NIBAN3: variants seen among roughly 807,000 people sequenced by gnomAD.
The protein encoded by NIBAN3 is niban apoptosis regulator 3, also known as protein Niban 3.
In NIBAN3, 66 loss-of-function variants were observed where a neutral mutation model predicts 76.4. The ratio of observed to expected loss-of-function variants is 0.86; its 90% CI spans 0.71 to 1.06. The LOEUF (loss-of-function observed/expected upper bound fraction) is 1.06, where lower values mean the gene tolerates loss of function less well. NIBAN3 is among the 50% of genes least tolerant of loss of function. The pLI is 0.00. For missense variants in NIBAN3, 808 were observed against 810.7 expected, an observed-to-expected ratio of 1.00 and a Z score of 0.04; for synonymous variants, 360 against 355.2, an observed-to-expected ratio of 1.01 and a Z score of -0.15.
Position 17,540,091 on chromosome 19 carries a change from G to A in NIBAN3, c.980-301G>A, listed in dbSNP as rs1205440330. On this transcript the variant is annotated intron_variant, in intron 8 of 14. Coordinates refer to ENST00000599164, the MANE Select transcript of NIBAN3 (RefSeq NM_001321827.2). ...GCGTGGCCTTGAGGCTGAGGCTCGA[G>A]GAGTTGAGGCCCAGAGCCGGGCCAA... The A allele has an allele frequency of 1.2e-5, 5 of 418,778 alleles. No individual in the cohort carries two copies. The Middle Eastern group carries it at 1.8e-3, about 152-fold the overall frequency. The allele number at this position is 418,778 out of a possible 1,614,324, so 25.9% of individuals were successfully genotyped here. A position where few individuals can be genotyped will look rare whatever the true frequency, so the allele number is the denominator to read the frequency against.
At chr19:17,539,999 C>A (rs570046576) in intron 8 of NIBAN3, among the ~76,000 whole-genome samples, 1 of 151,846 alleles carries the variant, frequency 6.6e-6, no homozygotes, top group East Asian at 1.9e-4. Context: ...TAGAGTCTGT[C>A]CGGAGGAAAC....
At chr19:17,538,024 G>A (rs1422247026) in intron 5 of NIBAN3, among the ~76,000 whole-genome samples, 4 of 152,066 alleles carry the variant, frequency 2.6e-5, no homozygotes, top group Non-Finnish European at 4.4e-5. Flanking sequence ...AGTGACTAGG[G>A]CTGTAACAGA....
In NIBAN3 at chr19:17,540,529, C is replaced by G. The variant is rs146478867; in HGVS notation, c.1117C>G (p.Arg373Gly). Reference sequence around the variant, plus strand: ...GACCCTCCTGGCTCAAGGCATGGACCGACTGTCCCACCGCCTGCGCCAGAG... The same window carrying G: ...GACCCTCCTGGCTCAAGGCATGGACGGACTGTCCCACCGCCTGCGCCAGAG... ...VRTLLAQGMD[R>G]LSHRLRQSPS... Residue 373 changes from arginine (R) to glycine (G), a missense_variant, in exon 9 of 15, where the codon CGA becomes GGA. By Grantham distance (125) the Arg-to-Gly change is moderately radical. Coordinates refer to ENST00000599164, the MANE Select transcript of NIBAN3 (RefSeq NM_001321827.2). The G allele has an allele frequency of 5.1e-6, 8 of 1,583,338 alleles. No individual in the cohort carries two copies. The African/African-American group carries it at 9.6e-5, about 19-fold the overall frequency.
chr19:17,547,957 G>A (rs2076090725), intron 13 of NIBAN3, among the ~76,000 whole-genome samples: 2 of 152,184 alleles, frequency 1.3e-5, no homozygotes, highest in South Asian at 2.1e-4. Context: ...GAGAGACATC[G>A]TCTTAAAACA....
rs1230789530 is a variant in NIBAN3 at position 17,552,911 on chromosome 19, A to AT, written c.*1014dup. The stretch of plus-strand genomic sequence containing the variant: ...TGGTGAAACCTGTCTCTACTAAAAA[A>AT]TAAAATAAATAAATAAATAAATAAA... On this transcript the variant is annotated 3_prime_UTR_variant, in exon 15 of 15. Transcript: ENST00000599164. The AT allele has an allele frequency of 1.4e-5, 2 of 138,926 alleles. No homozygotes were observed. The highest frequency in any genetic ancestry group is 4.1e-4 in the East Asian group (2 of 4,828). The allele number at this position is 138,926 out of a possible 1,614,324, so 8.6% of individuals were successfully genotyped here. A position where few individuals can be genotyped will look rare whatever the true frequency, so the allele number is the denominator to read the frequency against.
chr19:17,539,338 C>T lies in NIBAN3; in HGVS notation c.712-9C>T, dbSNP rs1477017529. On this transcript the variant is annotated splice_polypyrimidine_tract_variant and intron_variant, in intron 6 of 14. Coordinates refer to ENST00000599164, the MANE Select transcript of NIBAN3 (RefSeq NM_001321827.2). ...CCGACCGCGGCGCCCATGGCCCCCT[C>T]TCCTGCAGGTGCTGACCGCGGTGCT... The T allele has an allele frequency of 1.3e-6, 2 of 1,549,558 alleles. No individual in the cohort carries two copies. Among genetic ancestry groups the T allele is most frequent in the Non-Finnish European group, 1.7e-6 (2 of 1,147,952 alleles).
intron 4 of NIBAN3, among the ~76,000 whole-genome samples, chr19:17,535,998 A>C (rs1270778626): frequency 2.6e-5 from 4 of 152,174 alleles, no homozygotes; most frequent in Non-Finnish European, 4.4e-5. Flanking sequence ...GAGCAAAATG[A>C]CCAGTTCCAA....
rs1471737793 is a variant in NIBAN3 at position 17,537,524 on chromosome 19, C to T, written c.576C>T (p.Gly192=). ...CCTGGAGGCTGGCCCTGCAGGGTGG[C>T]ATCCGGCTTCAGGGCATAGGTGGGT... ...QHAWRLALQG[G]IRLQGIVLQR... is the part of the protein sequence containing the mutation. The change falls in exon 5 of 15, where the codon GGC becomes GGT. Residue 192 remains glycine (G), a synonymous_variant. Coordinates refer to ENST00000599164, the MANE Select transcript of NIBAN3 (RefSeq NM_001321827.2). 4.4e-6 allele frequency: 7 copies of T among 1,601,030 alleles called. No individual in the cohort carries two copies. The Admixed American group carries it at 5.1e-5, about 12-fold the overall frequency.
rs544780573 is a variant in NIBAN3, at chr19:17,537,562, C to A, written c.595+19C>A. 1.3e-6 allele frequency: 2 copies of A among 1,558,018 alleles called. No individual in the cohort carries two copies. The highest frequency in any genetic ancestry group is 1.7e-6 in the Non-Finnish European group (2 of 1,156,392). On this transcript the variant is annotated intron_variant, in intron 5 of 14. Transcript: ENST00000599164. ...GGCATAGGTGGGTCTCAGGACGGGT[C>A]AGACATTTGTGGGGCTAATGGTCTG...
At position 17,539,727 on chromosome 19, in the gene NIBAN3, T is replaced by G. The variant is rs1323873783; in HGVS notation, c.941T>G (p.Leu314Arg). 12 of 1,543,598 alleles carry G rather than the reference T, an allele frequency of 7.8e-6. No individual in the cohort carries two copies. Among genetic ancestry groups the G allele is most frequent in the Non-Finnish European group, 1.0e-5 (12 of 1,145,850 alleles). ...ACGATCCGCCCGGACGTGGACCAGC[T>G]GCTGCGGCAGCGGGCGCGTGTGGCG... ...EKTIRPDVDQ[L>R]LRQRARVAGR... The change falls in exon 8 of 15, where the codon CTG becomes CGG. Residue 314 changes from leucine (L) to arginine (R), a missense_variant. By Grantham distance (102) the Leu-to-Arg change is moderately radical. Transcript: ENST00000599164.
chr19:17,534,318 T>G (rs766156689), intron 4 of NIBAN3, among the ~76,000 whole-genome samples: 15 of 152,072 alleles, frequency 9.9e-5, no homozygotes, highest in Non-Finnish European at 1.6e-4. Context: ...AGTTCGAGAC[T>G]AGCCTGGCCA....
At chr19:17,549,617 A>C (rs1555765219) in intron 14 of NIBAN3, 90 bp downstream of exon 14, 13 of 1,042,356 alleles carry the variant, frequency 1.2e-5, no homozygotes, top group Non-Finnish European at 2.0e-5. Context: ...GATTGTCATG[A>C]GTGTGGGTTC....
chr19:17,553,671 C>G (rs1427157288), downstream of NIBAN3: 7 of 925,194 alleles, frequency 7.6e-6, no homozygotes, highest in African/African-American at 1.6e-5. Flanking sequence ...CCTTTTACCC[C>G]GGACGGGATG....
At chr19:17,528,113 A>G (rs1461497834) in intron 1 of NIBAN3, among the ~76,000 whole-genome samples, 3 of 150,586 alleles carry the variant, frequency 2.0e-5, no homozygotes, top group African/African-American at 7.3e-5. Context: ...GTTTTTTGAG[A>G]TGGAGTCTCC....
intron 14 of NIBAN3, chr19:17,549,824 CTCTT>C: frequency 2.0e-4 from 4 of 20,496 alleles, no homozygotes; most frequent in Admixed American, 1.4e-3. Context: ...CTCTCTCTCT[CTCTT>C]TTTTTTTTTT....
At chr19:17,545,460 C>T (rs1466860085) in intron 12 of NIBAN3, 3 of 180,816 alleles carry the variant, frequency 1.7e-5, no homozygotes, top group Non-Finnish European at 3.4e-5. Flanking sequence ...GACAGCTGGG[C>T]CCGGGGGACC....
chr19:17,550,106 C>T (rs1011305728), intron 14 of NIBAN3, among the ~76,000 whole-genome samples: 1 of 152,108 alleles, frequency 6.6e-6, no homozygotes. Flanking sequence ...AGATGTGAGC[C>T]ACCAGGCCCA....
chr19:17,525,345 TC>T (rs1277138485), upstream of NIBAN3, among the ~76,000 whole-genome samples: 7 of 151,910 alleles, frequency 4.6e-5, no homozygotes, highest in African/African-American at 1.7e-4. Flanking sequence ...CTTCATTCAT[TC>T]ATTCATTCAT....
At chr19:17,551,282 A>G (rs2076151388) in intron 14 of NIBAN3, among the ~76,000 whole-genome samples, 1 of 150,876 alleles carries the variant, frequency 6.6e-6, no homozygotes, top group Non-Finnish European at 1.5e-5. Context: ...TTTAGTAGAC[A>G]TGGGGTTTCA....
Sources: allele counts gnomAD v4.1 joint callset (sites outside exome capture counted in the v4.1 genomes callset), GRCh38; gene constraint gnomAD v4.1.1; transcripts MANE v1.5; gene names NCBI Gene and HGNC (gene_info 2026-07-23, HGNC 2026-07-21).